The following AOPEP variants were observed in gnomAD, a reference collection of about 807,000 sequenced individuals.
AOPEP encodes aminopeptidase O (putative).
A neutral mutation model predicts 98.1 loss-of-function variants in AOPEP; 77 were observed. That is an observed-to-expected ratio of 0.78 (90% CI 0.65 to 0.95). The LOEUF (loss-of-function observed/expected upper bound fraction) is 0.95. Among genes scored for constraint, AOPEP ranks in the 40% least tolerant of loss-of-function variants. AOPEP has a pLI of 0.00. For synonymous variants in AOPEP, 346 were observed against 365.3 expected (o/e 0.95, Z 0.60); for missense variants, 1,024 against 1,024.7 (o/e 1.00, Z 0.01).
In AOPEP at chr9:94,930,073, T is replaced by C. The variant is rs554036867; in HGVS notation, c.1661+1542T>C. Among the ~76,000 whole-genome samples the C allele has an allele frequency of 1.3e-5, 2 of 152,240 alleles. No individual in the cohort carries two copies. The highest frequency in any genetic ancestry group is 1.9e-4 in the East Asian group (1 of 5,174). Reference sequence around the variant, plus strand: ...GAAGGTGGTATGATCTGCTCAGTATTTGGACGGTGCTGCTCTGCTGCTGTG... The same window carrying C: ...GAAGGTGGTATGATCTGCTCAGTATCTGGACGGTGCTGCTCTGCTGCTGTG... On this transcript the variant is annotated intron_variant, in intron 7 of 16. Transcript: ENST00000375315. The surrounding 1 kb of genome is among the most constrained non-coding windows in gnomAD (Gnocchi z 4.5).
At chr9:94,881,274 T>C (rs2047555447) in intron 5 of AOPEP, among the ~76,000 whole-genome samples, 2 of 150,854 alleles carry the variant, frequency 1.3e-5, no homozygotes, top group African/African-American at 4.9e-5. Flanking sequence ...AGACACAGGA[T>C]CTGTCTTAGG....
At chr9:95,101,563 A>C in the AOPEP span, 1 of 976,464 alleles carries the variant, frequency 1.0e-6, no homozygotes. Context: ...ATACTAGCAG[A>C]TTGTCCCAAG....
At chr9:94,935,213 C>G (rs77286078) in intron 7 of AOPEP, 1 of 152,242 alleles carries the variant, frequency 6.6e-6, no homozygotes, top group Admixed American at 6.5e-5. Flanking sequence ...CCCTCCCGCC[C>G]CAGCCATGTA....
chr9:94,769,974 C>A (rs973857663), intron 2 of AOPEP, among the ~76,000 whole-genome samples: 1 of 152,230 alleles, frequency 6.6e-6, no homozygotes, highest in Non-Finnish European at 1.5e-5. Flanking sequence ...GGTGGAAGGA[C>A]CAGCCCCCCA....
intron 5 of AOPEP, among the ~76,000 whole-genome samples, chr9:94,908,626 G>A (rs556333480): frequency 6.6e-6 from 1 of 152,292 alleles, no homozygotes; most frequent in East Asian, 1.9e-4. Flanking sequence ...GCTGCTGAGA[G>A]TCTAAAGCTT....
At chr9:94,841,262 CCTG>C (rs2042235722) in intron 5 of AOPEP, among the ~76,000 whole-genome samples, 1 of 151,814 alleles carries the variant, frequency 6.6e-6, no homozygotes, top group South Asian at 2.1e-4. Context: ...GGCTCCCCCT[CCTG>C]CGTTCAAGTA....
chr9:94,884,863 G>T (rs2048015470), intron 5 of AOPEP, among the ~76,000 whole-genome samples: 1 of 149,994 alleles, frequency 6.7e-6, no homozygotes, highest in Non-Finnish European at 1.5e-5. Flanking sequence ...ATAAAAATTA[G>T]CTGGGCGTGG....
chr9:95,067,381 A>G (rs2068018561), intron 14 of AOPEP, among the ~76,000 whole-genome samples: 1 of 152,242 alleles, frequency 6.6e-6, no homozygotes, highest in Non-Finnish European at 1.5e-5. Flanking sequence ...GGGTGGCACT[A>G]AAAATGATTT....
At chr9:94,771,115 T>G (rs1206487118) in intron 2 of AOPEP, among the ~76,000 whole-genome samples, 1 of 152,000 alleles carries the variant, frequency 6.6e-6, no homozygotes, top group East Asian at 1.9e-4. Context: ...AGGGCACAAG[T>G]GGAATGTGTA....
At chr9:94,854,978 C>T (rs1022755612) in intron 5 of AOPEP, among the ~76,000 whole-genome samples, 1 of 152,182 alleles carries the variant, frequency 6.6e-6, no homozygotes, top group South Asian at 2.1e-4. Flanking sequence ...TATAAAATGT[C>T]AGATTCTATA....
At chr9:94,825,931 T>C (rs1207584445) in intron 5 of AOPEP, among the ~76,000 whole-genome samples, 3 of 152,200 alleles carry the variant, frequency 2.0e-5, no homozygotes, top group Non-Finnish European at 4.4e-5. Flanking sequence ...ATTAAAAAAT[T>C]CTGTTTAGCT....
At chr9:94,735,840 C>T (rs965568667) in intron 1 of AOPEP, among the ~76,000 whole-genome samples, 6 of 152,160 alleles carry the variant, frequency 3.9e-5, no homozygotes, top group Non-Finnish European at 5.9e-5. Flanking sequence ...CTCTCTTTAT[C>T]CCAGTCCTTG....
At chr9:94,788,498 T>A (rs577959011) in intron 3 of AOPEP, among the ~76,000 whole-genome samples, 96 of 152,266 alleles carry the variant, frequency 6.3e-4, no homozygotes, top group East Asian at 1.2e-3. Flanking sequence ...CTTTGTTTTT[T>A]TTTTTTCCCA....
intron 13 of AOPEP, among the ~76,000 whole-genome samples, chr9:95,024,609 C>T (rs1052135813): frequency 5.9e-5 from 9 of 152,212 alleles, no homozygotes; most frequent in African/African-American, 9.6e-5. Flanking sequence ...TGTGGCCCCA[C>T]GTTCCATGAG....
At chr9:94,831,220 A>T (rs1855894074) in intron 5 of AOPEP, among the ~76,000 whole-genome samples, 1 of 152,008 alleles carries the variant, frequency 6.6e-6, no homozygotes, top group Non-Finnish European at 1.5e-5. Context: ...TCTTATGTTA[A>T]TTTTTTTATA....
chr9:95,036,010 G>A (rs1319281490), intron 13 of AOPEP, among the ~76,000 whole-genome samples: 1 of 152,116 alleles, frequency 6.6e-6, no homozygotes, highest in Non-Finnish European at 1.5e-5. Flanking sequence ...TTTCCGTGAT[G>A]GTGGTCACAC....
chr9:94,903,249 C>T (rs2050664909), intron 5 of AOPEP, among the ~76,000 whole-genome samples: 1 of 151,882 alleles, frequency 6.6e-6, no homozygotes, highest in South Asian at 2.1e-4. Context: ...TCCCAAAGTG[C>T]TGGGATTACA....
At chr9:95,136,582 G>C in the AOPEP span, among the ~76,000 whole-genome samples, 4 of 152,068 alleles carry the variant, frequency 2.6e-5, no homozygotes, top group African/African-American at 9.7e-5. Flanking sequence ...AAACTCCTAG[G>C]CTCATGTGAT....
At chr9:95,144,578 C>A in the AOPEP span, among the ~76,000 whole-genome samples, 6 of 152,190 alleles carry the variant, frequency 3.9e-5, no homozygotes, top group East Asian at 1.2e-3. Flanking sequence ...GGAGTATTCA[C>A]TTCCAGATTC....
Sources: gnomAD v4.1 joint callset for allele counts (sites outside exome capture counted in the v4.1 genomes callset) on GRCh38, gnomAD v4.1.1 for gene constraint, Gnocchi (gnomAD v3.1) non-coding constraint, MANE v1.5 for transcripts, NCBI Gene and HGNC (gene_info 2026-07-23, HGNC 2026-07-21) for gene names.